The following TPRG1 variants were observed in gnomAD, a reference collection of about 807,000 sequenced individuals.
TPRG1 encodes the protein tumor protein p63-regulated gene 1 protein.
TPRG1 carries 29 observed loss-of-function variants against 29.3 expected under a neutral mutation model. The ratio of observed to expected loss-of-function variants is 0.99; its 90% CI spans 0.74 to 1.35. The LOEUF is 1.35. Ranked by LOEUF, TPRG1 falls within the 40% of genes most tolerant of loss-of-function variation. TPRG1 has a pLI of 0.00. For missense variants in TPRG1, 327 were observed against 335.0 expected (o/e 0.98, Z 0.19); for synonymous variants, 130 against 116.8 (o/e 1.11, Z -0.73).
At chr3:189,091,322 A>G (rs1718322991) in intron 4 of TPRG1, among the ~76,000 whole-genome samples, 1 of 152,110 alleles carries the variant, frequency 6.6e-6, no homozygotes, top group Non-Finnish European at 1.5e-5. Flanking sequence ...TTGAAATATC[A>G]TTTGTATATA....
chr3:189,205,635 C>T (rs1017170915), intron 1 of TPRG1, among the ~76,000 whole-genome samples: 9 of 152,176 alleles, frequency 5.9e-5, no homozygotes, highest in Admixed American at 2.0e-4. Flanking sequence ...GAGGTGACTC[C>T]GAGAATAATA....
chr3:189,280,954 G>T (rs570873626), intron 4 of TPRG1, among the ~76,000 whole-genome samples: 1 of 152,128 alleles, frequency 6.6e-6, no homozygotes, highest in Admixed American at 6.5e-5. Context: ...ATTCAGGAAA[G>T]GTGGTCTGCA....
intron 4 of TPRG1, among the ~76,000 whole-genome samples, chr3:189,308,126 C>A (rs1465549569): frequency 6.6e-6 from 1 of 152,128 alleles, no homozygotes; most frequent in African/African-American, 2.4e-5. Flanking sequence ...TTCTAAAGAA[C>A]AGATGAGGAA....
chr3:189,318,345 A>T (rs139773636), intron 5 of TPRG1, among the ~76,000 whole-genome samples: 1 of 152,138 alleles, frequency 6.6e-6, no homozygotes, highest in Non-Finnish European at 1.5e-5. Flanking sequence ...ATTTGAGTGG[A>T]GGTATAGGTA....
At chr3:189,062,052 A>T (rs1240096648) in intron 4 of TPRG1, among the ~76,000 whole-genome samples, 1 of 152,208 alleles carries the variant, frequency 6.6e-6, no homozygotes, top group Non-Finnish European at 1.5e-5. Flanking sequence ...CCCACCAATG[A>T]CAGATTAGAT....
At chr3:189,244,686 C>G (rs1488126004) in intron 4 of TPRG1, among the ~76,000 whole-genome samples, 2 of 152,006 alleles carry the variant, frequency 1.3e-5, no homozygotes, top group Non-Finnish European at 2.9e-5. Flanking sequence ...GAAATAGGCC[C>G]CCATGATCCA....
At chr3:189,208,403 G>T (rs1234783867) in intron 2 of TPRG1, among the ~76,000 whole-genome samples, 2 of 152,114 alleles carry the variant, frequency 1.3e-5, no homozygotes, top group East Asian at 3.8e-4. Flanking sequence ...ATTTTCATGT[G>T]TACGTGGGAG....
intron 4 of TPRG1, among the ~76,000 whole-genome samples, chr3:189,040,020 A>G (rs1179543283): frequency 2.6e-5 from 4 of 152,012 alleles, no homozygotes; most frequent in South Asian, 2.1e-4. Flanking sequence ...AAGATACATT[A>G]CTCCTTCCTT....
chr3:189,158,731 A>G (rs941862562), intron 5 of TPRG1, among the ~76,000 whole-genome samples: 2 of 152,132 alleles, frequency 1.3e-5, no homozygotes, highest in African/African-American at 4.8e-5. Flanking sequence ...TCCCCAGCCC[A>G]TCTCGTTCAG....
At chr3:189,279,812 G>A (rs1383420077) in intron 4 of TPRG1, among the ~76,000 whole-genome samples, 3 of 152,144 alleles carry the variant, frequency 2.0e-5, no homozygotes, top group East Asian at 3.9e-4. Context: ...CACTATCAAC[G>A]TATAGATTGT....
chr3:189,172,615 A>G (rs1326211267), intron 1 of TPRG1, among the ~76,000 whole-genome samples: 2 of 152,200 alleles, frequency 1.3e-5, no homozygotes, highest in Non-Finnish European at 1.5e-5. Context: ...TAAATGGCAA[A>G]CAAAAGGTGA....
intron 4 of TPRG1, among the ~76,000 whole-genome samples, chr3:189,082,062 T>C (rs1717628406): frequency 6.6e-6 from 1 of 152,084 alleles, no homozygotes; most frequent in African/African-American, 2.4e-5. Flanking sequence ...TTGTCTGAGG[T>C]GGAACAAGAT....
intron 1 of TPRG1, among the ~76,000 whole-genome samples, chr3:189,187,597 G>GT (rs1560527991): frequency 6.6e-6 from 1 of 152,046 alleles, no homozygotes; most frequent in African/African-American, 2.4e-5. Flanking sequence ...GATTACAGGC[G>GT]TAAGCCACCG....
chr3:189,068,266 A>G (rs1716582709), intron 4 of TPRG1, among the ~76,000 whole-genome samples: 1 of 152,156 alleles, frequency 6.6e-6, no homozygotes, highest in East Asian at 1.9e-4. Flanking sequence ...TTCCTCAGAA[A>G]ACTAAAAATA....
chr3:189,297,270 C>T (rs1158335617), intron 4 of TPRG1, among the ~76,000 whole-genome samples: 2 of 152,172 alleles, frequency 1.3e-5, no homozygotes, highest in African/African-American at 4.8e-5. Flanking sequence ...CATGAGCCAC[C>T]ATGCCCGGCC....
intron 4 of TPRG1, among the ~76,000 whole-genome samples, chr3:189,053,399 T>A (rs1481218208): frequency 6.6e-6 from 1 of 152,148 alleles, no homozygotes; most frequent in African/African-American, 2.4e-5. Flanking sequence ...GGAAATTATT[T>A]TTGTCTTATC....
intron 3 of TPRG1, among the ~76,000 whole-genome samples, chr3:189,225,911 G>T (rs1737652730): frequency 6.6e-6 from 1 of 151,988 alleles, no homozygotes; most frequent in Non-Finnish European, 1.5e-5. Context: ...GGACAGAGAA[G>T]GATATTATCT....
At chr3:189,204,549 T>A (rs928435665) in intron 1 of TPRG1, among the ~76,000 whole-genome samples, 3 of 152,188 alleles carry the variant, frequency 2.0e-5, no homozygotes. Flanking sequence ...TAAACGGAGC[T>A]GAGAGTTTCC....
intron 5 of TPRG1, among the ~76,000 whole-genome samples, chr3:189,312,563 C>G (rs945166664): frequency 1.3e-5 from 2 of 152,064 alleles, no homozygotes; most frequent in African/African-American, 4.8e-5. Context: ...ATTCCTCATA[C>G]CTTGTGCATT....
Sources: allele counts gnomAD v4.1 joint callset (sites outside exome capture counted in the v4.1 genomes callset), GRCh38; gene constraint gnomAD v4.1.1; transcripts MANE v1.5; gene names NCBI Gene and HGNC (gene_info 2026-07-23, HGNC 2026-07-21).